The following CYB5A variants were observed in gnomAD, a reference collection of about 807,000 sequenced individuals.
CYB5A encodes the protein cytochrome b5 type A.
A neutral mutation model predicts 16.2 loss-of-function variants in CYB5A; 10 were observed. That is an observed-to-expected ratio of 0.62 (90% CI 0.38 to 1.04). The LOEUF is 1.04. Ranked by LOEUF, CYB5A falls within the 50% of genes least tolerant of loss-of-function variation. The pLI is 0.01. For missense variants in CYB5A, 161 were observed against 165.9 expected (o/e 0.97, Z 0.16); for synonymous variants, 62 against 57.0 (o/e 1.09, Z -0.40).
At chr18:74,283,125 A>C (rs1354389137) in intron 1 of CYB5A, among the ~76,000 whole-genome samples, 1 of 152,172 alleles carries the variant, frequency 6.6e-6, no homozygotes, top group Admixed American at 6.5e-5. Flanking sequence ...TTGGAGGAGA[A>C]AGATATTCTA....
Position 74,251,188 on chromosome 18 carries a change from AAAAG to A in CYB5A, c.*2392_*2395del, listed in dbSNP as rs1271420597. 2.0e-5 allele frequency: 3 copies of A among 152,182 alleles called. No individual in the cohort carries two copies. Among genetic ancestry groups the A allele is most frequent in the African/African-American group, 7.3e-5 (3 of 41,310 alleles). The allele number at this position is 152,182 out of a possible 1,614,324, so 9.4% of individuals were successfully genotyped here. ...CTGTCTCAAAAACAAAAAAAAAAAA[AAAAG>A]AAAGTTTACTTTGCCAAGGTTGAGG... is the stretch of plus-strand genomic sequence containing the variant. On this transcript the variant is annotated 3_prime_UTR_variant, in exon 5 of 5. Coordinates refer to ENST00000340533, the MANE Select transcript of CYB5A (RefSeq NM_148923.4).
At chr18:74,291,697 CA>C in intron 1 of CYB5A, 49 bp downstream of exon 1, 11 of 1,612,386 alleles carry the variant, frequency 6.8e-6, no homozygotes, top group Non-Finnish European at 9.3e-6. Context: ...AGTGAACCCC[CA>C]AACCCGGCCC....
At chr18:74,287,867 A>G (rs749899394) in intron 1 of CYB5A, among the ~76,000 whole-genome samples, 18 of 152,322 alleles carry the variant, frequency 1.2e-4, no homozygotes, top group Non-Finnish European at 2.2e-4. Context: ...CAAATCACAG[A>G]AAGGGAAATG....
At chr18:74,289,580 A>G (rs1256591543) in intron 1 of CYB5A, among the ~76,000 whole-genome samples, 3 of 152,120 alleles carry the variant, frequency 2.0e-5, no homozygotes, top group East Asian at 1.9e-4. Flanking sequence ...GTTCGAGACC[A>G]ACTTGGCCAA....
chr18:74,272,156 C>T (rs542339222), intron 1 of CYB5A, among the ~76,000 whole-genome samples: 2 of 152,346 alleles, frequency 1.3e-5, no homozygotes, highest in South Asian at 4.1e-4. Context: ...AGCTCACAGC[C>T]TATGCCCCTT....
chr18:74,275,113 G>A lies in CYB5A; in HGVS notation c.130-11636C>T, dbSNP rs114474660. Among the ~76,000 whole-genome samples, 805 of 152,286 alleles carry A rather than the reference G, an allele frequency of 5.3e-3. 9 individuals carry two copies. The highest frequency in any genetic ancestry group is 0.018 in the African/African-American group (753 of 41,564). On this transcript the variant is annotated intron_variant, in intron 1 of 4. Transcript: ENST00000340533. ...GCCTCTGGAACTTCTCGAAGAGAGC[G>A]TCAACACCTGTGCAGCACAGGAGGT...
At chr18:74,268,433 G>A (rs1190031199) in intron 1 of CYB5A, among the ~76,000 whole-genome samples, 2 of 152,204 alleles carry the variant, frequency 1.3e-5, no homozygotes, top group Non-Finnish European at 2.9e-5. Context: ...GGGCCAGGCC[G>A]TGTGCTGCTT....
At chr18:74,289,477 A>G (rs1281928418) in intron 1 of CYB5A, among the ~76,000 whole-genome samples, 4 of 152,084 alleles carry the variant, frequency 2.6e-5, no homozygotes, top group Non-Finnish European at 2.9e-5. Context: ...TTGGGTTGCT[A>G]TAAATAGGGG....
intron 1 of CYB5A, among the ~76,000 whole-genome samples, chr18:74,269,387 C>T (rs1790804): frequency 0.014 from 2,063 of 152,268 alleles, 42 homozygotes; most frequent in African/African-American, 0.047. Context: ...GGGGCTCAGT[C>T]CCTGGTCCTC....
In CYB5A at chr18:74,260,929, A is replaced by C. The variant is rs753395259; in HGVS notation, c.274T>G (p.Leu92Val). The C allele has an allele frequency of 4.3e-6, 7 of 1,612,898 alleles. No individual in the cohort carries two copies. The South Asian group carries it at 5.5e-5, about 13-fold the overall frequency. Residue 92 changes from leucine to valine, a missense_variant, in exon 3 of 5, where the codon TTA becomes GTA. Leu to Val is a conservative substitution (Grantham distance 32). Coordinates refer to ENST00000340533, the MANE Select transcript of CYB5A (RefSeq NM_148923.4). ...GELHPDDRPK[L>V]NKPPETLITT... is the part of the protein sequence containing the mutation. ...GTCACACTTACCGGAGGCTTGTTTA[A>C]CTTTGGTCTGTCATCCTGCAATGAA...
chr18:74,277,705 A>C (rs1982934648), intron 1 of CYB5A, among the ~76,000 whole-genome samples: 1 of 152,214 alleles, frequency 6.6e-6, no homozygotes, highest in African/African-American at 2.4e-5. Flanking sequence ...CTCAGGAGGC[A>C]ACGCTTAGAC....
intron 1 of CYB5A, among the ~76,000 whole-genome samples, chr18:74,276,873 T>G (rs1446386026): frequency 6.6e-6 from 1 of 152,208 alleles, no homozygotes; most frequent in African/African-American, 2.4e-5. Flanking sequence ...TTAAGTCATA[T>G]AATTAATTAG....
intron 1 of CYB5A, among the ~76,000 whole-genome samples, chr18:74,264,123 A>C (rs986414892): frequency 6.6e-6 from 1 of 151,688 alleles, no homozygotes; most frequent in Non-Finnish European, 1.5e-5. Flanking sequence ...AGTCTTGAGA[A>C]TCGCTTGAAT....
At chr18:74,278,343 G>A (rs912829029) in intron 1 of CYB5A, among the ~76,000 whole-genome samples, 3 of 152,214 alleles carry the variant, frequency 2.0e-5, no homozygotes, top group African/African-American at 7.2e-5. Flanking sequence ...CCCATCTGCA[G>A]GATTAAGTGA....
At chr18:74,255,146 T>C (rs1350994754) in intron 4 of CYB5A, among the ~76,000 whole-genome samples, 1 of 152,102 alleles carries the variant, frequency 6.6e-6, no homozygotes, top group Admixed American at 6.5e-5. Context: ...GCAGTTAAAT[T>C]TGACAGGATG....
intron 1 of CYB5A, among the ~76,000 whole-genome samples, chr18:74,279,694 T>C (rs965745018): frequency 7.9e-5 from 12 of 152,184 alleles, no homozygotes; most frequent in African/African-American, 2.9e-4. Context: ...GGCCTCTCTT[T>C]CATGTTTAAT....
intron 1 of CYB5A, among the ~76,000 whole-genome samples, chr18:74,277,974 T>C (rs1982945732): frequency 6.6e-6 from 1 of 152,176 alleles, no homozygotes; most frequent in Non-Finnish European, 1.5e-5. Context: ...TCAATTTCTC[T>C]CCTTTCCACT....
At chr18:74,276,006 C>T (rs942978395) in intron 1 of CYB5A, among the ~76,000 whole-genome samples, 2 of 152,128 alleles carry the variant, frequency 1.3e-5, no homozygotes, top group Non-Finnish European at 2.9e-5. Context: ...ATTTCTCCCC[C>T]TCGACCCAAC....
At chr18:74,273,840 C>T (rs752016641) in intron 1 of CYB5A, among the ~76,000 whole-genome samples, 11 of 152,202 alleles carry the variant, frequency 7.2e-5, no homozygotes, top group East Asian at 1.9e-4. Context: ...TGAGAAGACA[C>T]GTGGCCCACT....
Sources: gnomAD v4.1 joint callset for allele counts (sites outside exome capture counted in the v4.1 genomes callset) on GRCh38, gnomAD v4.1.1 for gene constraint, MANE v1.5 for transcripts, NCBI Gene and HGNC (gene_info 2026-07-23, HGNC 2026-07-21) for gene names.